Variants in POC1B observed in about 807,000 individuals in gnomAD.
POC1B encodes the protein POC1 centriolar protein B.
In POC1B, 44 loss-of-function variants were observed where a neutral mutation model predicts 60.6. That is an observed-to-expected ratio of 0.73 (90% CI 0.57 to 0.93). POC1B has a LOEUF of 0.93. POC1B is among the 40% of genes least tolerant of loss of function. POC1B has a pLI of 0.00. For missense variants in POC1B, 555 were observed against 572.3 expected (o/e 0.97, Z 0.31); for synonymous variants, 180 against 198.9 (o/e 0.90, Z 0.80).
Position 89,525,882 on chromosome 12 carries a change from G to C in POC1B, c.14C>G (p.Thr5Arg). The change falls in exon 1 of 12, where the codon ACG becomes AGG. Residue 5 changes from threonine to arginine, a missense_variant and splice_region_variant. By Grantham distance (71) the Thr-to-Arg change is moderately conservative. Transcript: ENST00000313546. MASATEDPVLERYFK... is the reference protein window; with the variant it reads MASAREDPVLERYFK... ...CCCCCACCTCCAACCCGTCCTTACCGTGGCTGAGGCCATCGGGGGAGTGGT... is the reference window on the plus strand; with the variant it reads ...CCCCCACCTCCAACCCGTCCTTACCCTGGCTGAGGCCATCGGGGGAGTGGT... The C allele has an allele frequency of 6.9e-7, 1 of 1,457,620 alleles. No homozygotes were observed. The allele number at this position is 1,457,620 out of a possible 1,614,324, so 90.3% of individuals were successfully genotyped here.
At chr12:89,523,741 A>C in intron 2 of POC1B, 1 of 1,544,090 alleles carries the variant, frequency 6.5e-7, no homozygotes. Context: ...GGGCTCCCCT[A>C]TCTGCATATA....
intron 10 of POC1B, among the ~76,000 whole-genome samples, chr12:89,436,728 CA>C (rs934420374): frequency 4.7e-5 from 7 of 149,792 alleles, no homozygotes; most frequent in South Asian, 4.2e-4. Flanking sequence ...AAAAAACAAC[CA>C]AAAAAAAACC....
chr12:89,451,937 ATCCTATAGG>A (rs1235061924), intron 10 of POC1B, among the ~76,000 whole-genome samples: 1 of 152,156 alleles, frequency 6.6e-6, no homozygotes, highest in Non-Finnish European at 1.5e-5. Context: ...GTAGTAAACC[ATCCTATAGG>A]TCAGCAGGAA....
intron 9 of POC1B, chr12:89,460,042 G>T: frequency 2.5e-6 from 1 of 393,984 alleles, no homozygotes; most frequent in Non-Finnish European, 5.0e-6. Flanking sequence ...AAAAATCCTA[G>T]CCAGTTCAGT....
intron 4 of POC1B, among the ~76,000 whole-genome samples, chr12:89,487,244 C>G (rs867117594): frequency 6.6e-6 from 1 of 152,170 alleles, no homozygotes; most frequent in Non-Finnish European, 1.5e-5. Context: ...GATAGGGCCA[C>G]TCCTGCACTC....
chr12:89,467,916 A>C (rs1204467162), intron 7 of POC1B, among the ~76,000 whole-genome samples: 1 of 152,206 alleles, frequency 6.6e-6, no homozygotes, highest in African/African-American at 2.4e-5. Flanking sequence ...ACTAAAAATT[A>C]ATTAAAAAAA....
intron 10 of POC1B, among the ~76,000 whole-genome samples, chr12:89,453,871 T>C (rs538540241): frequency 6.6e-6 from 1 of 152,358 alleles, no homozygotes; most frequent in East Asian, 1.9e-4. Flanking sequence ...TGTGTCCATA[T>C]ATTTTGTCAG....
chr12:89,471,451 C>CT (rs1298920318), intron 6 of POC1B, among the ~76,000 whole-genome samples, 163 bp downstream of exon 6: 1 of 152,164 alleles, frequency 6.6e-6, no homozygotes, highest in Non-Finnish European at 1.5e-5. Context: ...CCTTGAGCTT[C>CT]TGAGACCCTG....
At chr12:89,437,833 A>C (rs1881335359) in intron 10 of POC1B, among the ~76,000 whole-genome samples, 1 of 149,594 alleles carries the variant, frequency 6.7e-6, no homozygotes, top group South Asian at 2.1e-4. Context: ...GGATCACCTG[A>C]GGTCAGGAGT....
intron 2 of POC1B, chr12:89,524,089 G>C (rs1481862713): frequency 6.2e-7 from 1 of 1,613,972 alleles, no homozygotes; most frequent in East Asian, 2.2e-5. Context: ...ACTGTGAATG[G>C]TACGGAGCAA....
chr12:89,497,328 C>T lies in POC1B; in HGVS notation c.115G>A (p.Asp39Asn). 1 of 1,611,928 alleles carries T rather than the reference C, an allele frequency of 6.2e-7. No homozygotes were observed. Among genetic ancestry groups the T allele is most frequent in the Non-Finnish European group, 8.5e-7 (1 of 1,179,658 alleles). ...NGKQLATASW[D>N]TFLMLWNFKP... is the part of the protein sequence containing the mutation. ...AAATTCCATAGCATGAGAAAGGTAT[C>T]CCAAGAAGCAGTAGCTATCAAGAAA... is the stretch of plus-strand genomic sequence containing the variant. Residue 39 changes from aspartate to asparagine, a missense_variant, in exon 3 of 12, where the codon GAT becomes AAT. Coordinates refer to ENST00000313546, the MANE Select transcript of POC1B (RefSeq NM_172240.3).
At chr12:89,511,922 C>T (rs138140080) in intron 2 of POC1B, among the ~76,000 whole-genome samples, 13 of 152,052 alleles carry the variant, frequency 8.5e-5, no homozygotes, top group Admixed American at 1.3e-4. Context: ...GGCGTGGTGG[C>T]GTGCACCTAT....
chr12:89,505,712 T>C (rs1309208188), intron 2 of POC1B, among the ~76,000 whole-genome samples: 1 of 152,228 alleles, frequency 6.6e-6, no homozygotes, highest in African/African-American at 2.4e-5. Flanking sequence ...TGTGCAATTT[T>C]TGGAACATAT....
intron 10 of POC1B, among the ~76,000 whole-genome samples, chr12:89,437,129 G>A (rs1881303837): frequency 6.6e-6 from 1 of 152,166 alleles, no homozygotes; most frequent in African/African-American, 2.4e-5. Flanking sequence ...CGATCAGACA[G>A]TTGTCACCTC....
chr12:89,431,456 C>CAT (rs61304600), intron 10 of POC1B, among the ~76,000 whole-genome samples: 2 of 151,824 alleles, frequency 1.3e-5, no homozygotes, highest in Non-Finnish European at 2.9e-5. Context: ...CACACACACA[C>CAT]GCACATGCAC....
Position 89,525,218 on chromosome 12 carries a change from T to G in POC1B, c.16-14A>C, listed in dbSNP as rs748214481. The stretch of plus-strand genomic sequence containing the variant: ...AACGGGGTCCTCCTGGAAAGGAAAG[T>G]TGTCAAGTTTTGAAAGCCGCCGCAG... On this transcript the variant is annotated splice_polypyrimidine_tract_variant and intron_variant, in intron 1 of 11. Coordinates refer to ENST00000313546, the MANE Select transcript of POC1B (RefSeq NM_172240.3). The G allele has an allele frequency of 1.1e-5, 18 of 1,599,302 alleles. No individual in the cohort carries two copies. The highest frequency in any genetic ancestry group is 1.4e-5 in the Non-Finnish European group (17 of 1,172,754).
intron 2 of POC1B, chr12:89,523,520 TA>T: frequency 6.2e-7 from 1 of 1,608,460 alleles, no homozygotes; most frequent in Non-Finnish European, 8.5e-7. Context: ...TGCCACACCC[TA>T]AAAGACAGCT....
At chr12:89,455,408 C>T (rs980707075) in intron 10 of POC1B, among the ~76,000 whole-genome samples, 1 of 152,168 alleles carries the variant, frequency 6.6e-6, no homozygotes, top group East Asian at 1.9e-4. Flanking sequence ...TAGCTTACTG[C>T]AGCCCATTAA....
chr12:89,415,356 A>T (rs1880345893), downstream of POC1B, among the ~76,000 whole-genome samples: 1 of 152,200 alleles, frequency 6.6e-6, no homozygotes, highest in Non-Finnish European at 1.5e-5. Flanking sequence ...TATTAATAAC[A>T]ATAATAGCCG....
Sources: allele counts gnomAD v4.1 joint callset (sites outside exome capture counted in the v4.1 genomes callset), GRCh38; gene constraint gnomAD v4.1.1; transcripts MANE v1.5; gene names NCBI Gene and HGNC (gene_info 2026-07-23, HGNC 2026-07-21).